ZFHX3: variants seen among roughly 807,000 people sequenced by gnomAD.
The protein encoded by ZFHX3 is zinc finger homeobox 3.
Under a neutral mutation model 279.1 loss-of-function variants are expected in ZFHX3, and 42 were observed. The ratio of observed to expected loss-of-function variants is 0.15; its 90% CI spans 0.12 to 0.19. The LOEUF (loss-of-function observed/expected upper bound fraction) is 0.19, where lower values mean the gene tolerates loss of function less well. Among genes scored for constraint, ZFHX3 ranks in the 10% least tolerant of loss-of-function variants. ZFHX3 has a pLI of 1.00. For synonymous variants in ZFHX3, 2,293 were observed against 1,957.8 expected (o/e 1.17, Z -4.52); for missense variants, 4,981 against 4,754.0 (o/e 1.05, Z -1.40).
chr16:73,836,409 T>A (rs1024403995), intron 1 of ZFHX3, among the ~76,000 whole-genome samples: 5 of 152,218 alleles, frequency 3.3e-5, no homozygotes, highest in Non-Finnish European at 7.3e-5. Flanking sequence ...ATTTAACATG[T>A]TCATTTTTTG....
intron 5 of ZFHX3, among the ~76,000 whole-genome samples, chr16:73,197,466 T>C (rs1483405392): frequency 2.0e-5 from 3 of 152,248 alleles, no homozygotes; most frequent in Non-Finnish European, 4.4e-5. Context: ...CCAGACATTG[T>C]AGCAAATGAT....
chr16:73,597,756 G>A (rs1264767916), intron 2 of ZFHX3, among the ~76,000 whole-genome samples: 1 of 152,080 alleles, frequency 6.6e-6, no homozygotes, highest in Non-Finnish European at 1.5e-5. Context: ...CCAACACCTT[G>A]ATTTCAGACT....
chr16:72,788,110 TGCTGCTGCTGCTGCTGTA>T lies in ZFHX3; in HGVS notation c.10148_10165del (p.Leu3383_Gln3388del), dbSNP rs763059229. On this transcript the variant is annotated inframe_deletion, in exon 10 of 10. Transcript: ENST00000268489. Reference sequence around the variant, plus strand: ...TTTGGGCTGCTGCTGCTGCACTTTTTGCTGCTGCTGCTGCTGTAGTTGCCGCTGCTGCTGCTGCTGAAT... The same window carrying T: ...TTTGGGCTGCTGCTGCTGCACTTTTTGTTGCCGCTGCTGCTGCTGCTGAAT... 1 of 1,599,366 alleles carries T rather than the reference TGCTGCTGCTGCTGCTGTA, an allele frequency of 6.3e-7. No homozygotes were observed. The highest frequency in any genetic ancestry group is 8.5e-7 in the Non-Finnish European group (1 of 1,172,202).
At chr16:73,586,677 T>C (rs1369205007) in intron 2 of ZFHX3, among the ~76,000 whole-genome samples, 3 of 152,238 alleles carry the variant, frequency 2.0e-5, no homozygotes, top group South Asian at 2.1e-4. Flanking sequence ...TCAACTGTCT[T>C]TGATGAAGGT....
intron 1 of ZFHX3, among the ~76,000 whole-genome samples, chr16:73,822,078 A>G (rs1200989748): frequency 6.6e-6 from 1 of 152,200 alleles, no homozygotes; most frequent in Non-Finnish European, 1.5e-5. Flanking sequence ...TCACATAGAA[A>G]GACATCTCCC....
chr16:73,212,665 G>C (rs1335686139), intron 5 of ZFHX3, among the ~76,000 whole-genome samples: 3 of 152,186 alleles, frequency 2.0e-5, no homozygotes, highest in Non-Finnish European at 2.9e-5. Flanking sequence ...CTGGAGCTGT[G>C]AGCTGTCCCT....
At chr16:73,169,313 G>C (rs1187914601) in intron 5 of ZFHX3, among the ~76,000 whole-genome samples, 1 of 152,194 alleles carries the variant, frequency 6.6e-6, no homozygotes, top group Non-Finnish European at 1.5e-5. Context: ...ATTTCAAGCA[G>C]AGCTAACCAA....
chr16:73,212,709 T>C (rs942177079), intron 5 of ZFHX3, among the ~76,000 whole-genome samples: 9 of 152,348 alleles, frequency 5.9e-5, no homozygotes, highest in African/African-American at 2.2e-4. Context: ...CACATGTGCT[T>C]GTCTATGTGA....
chr16:73,390,651 A>G (rs1416748323), intron 3 of ZFHX3, among the ~76,000 whole-genome samples: 1 of 152,190 alleles, frequency 6.6e-6, no homozygotes, highest in Non-Finnish European at 1.5e-5. Context: ...TACAATCGGT[A>G]TTAGTGGCTT....
chr16:72,816,659 C>CTCTGGGCCAACAGCCACCACT (rs1698338218), intron 5 of ZFHX3, among the ~76,000 whole-genome samples: 1 of 152,208 alleles, frequency 6.6e-6, no homozygotes, highest in South Asian at 2.1e-4. Context: ...AAAGTCAGCT[C>CTCTGGGCCAACAGCCACCACT]TCTGGGCCAA....
chr16:73,521,101 C>T (rs2019601249), intron 2 of ZFHX3, among the ~76,000 whole-genome samples: 1 of 152,126 alleles, frequency 6.6e-6, no homozygotes, highest in Non-Finnish European at 1.5e-5. Context: ...CAAATAGCCA[C>T]CTGATTTTTA....
chr16:73,746,288 G>T (rs973518257), intron 1 of ZFHX3, among the ~76,000 whole-genome samples: 1 of 152,032 alleles, frequency 6.6e-6, no homozygotes, highest in African/African-American at 2.4e-5. Context: ...TTCATAAATT[G>T]TTCTATCACT....
intron 2 of ZFHX3, among the ~76,000 whole-genome samples, chr16:73,655,609 T>TAATAATTATGGTTATGCA (rs2052714833): frequency 6.6e-6 from 1 of 152,206 alleles, no homozygotes; most frequent in South Asian, 2.1e-4. Context: ...ACAATCTCAT[T>TAATAATTATGGTTATGCA]AATAATTATG....
At chr16:73,576,059 A>G (rs367599090) in intron 2 of ZFHX3, among the ~76,000 whole-genome samples, 4 of 152,042 alleles carry the variant, frequency 2.6e-5, no homozygotes, top group Admixed American at 2.6e-4. Context: ...CATTTCCCTC[A>G]GTGTTTCTAA....
At chr16:73,473,872 C>T (rs1442907996) in intron 2 of ZFHX3, among the ~76,000 whole-genome samples, 7 of 152,212 alleles carry the variant, frequency 4.6e-5, no homozygotes, top group Non-Finnish European at 7.4e-5. Flanking sequence ...CTGAAGATCG[C>T]AAGATATTTT....
At chr16:73,542,855 C>A (rs201243994) in intron 2 of ZFHX3, among the ~76,000 whole-genome samples, 1 of 150,694 alleles carries the variant, frequency 6.6e-6, no homozygotes, top group Non-Finnish European at 1.5e-5. Context: ...ACCTTCAGAG[C>A]GTGTGTGTGT....
chr16:73,174,863 CAAAAAA>C (rs34447211), intron 5 of ZFHX3, among the ~76,000 whole-genome samples: 2 of 86,828 alleles, frequency 2.3e-5, no homozygotes, highest in African/African-American at 4.1e-5. Flanking sequence ...ACTAAAAATA[CAAAAAA>C]AAAAAAAAAA....
chr16:73,239,958 T>A (rs1421986489), intron 5 of ZFHX3, among the ~76,000 whole-genome samples: 3 of 152,126 alleles, frequency 2.0e-5, no homozygotes, highest in Non-Finnish European at 4.4e-5. Flanking sequence ...AATGTTTTCA[T>A]CAATGAATCA....
intron 2 of ZFHX3, among the ~76,000 whole-genome samples, chr16:73,527,791 C>T (rs2019720961): frequency 6.6e-6 from 1 of 152,206 alleles, no homozygotes; most frequent in South Asian, 2.1e-4. Context: ...GACCTGCCAC[C>T]AGTCACGTGT....
Sources: allele counts gnomAD v4.1 joint callset (sites outside exome capture counted in the v4.1 genomes callset), GRCh38; gene constraint gnomAD v4.1.1; transcripts MANE v1.5; gene names NCBI Gene and HGNC (gene_info 2026-07-23, HGNC 2026-07-21).